EMSY: variants seen among roughly 807,000 people sequenced by gnomAD.
EMSY encodes BRCA2-interacting transcriptional repressor EMSY.
A neutral mutation model predicts 134.6 loss-of-function variants in EMSY; 26 were observed. The observed-to-expected ratio is 0.19, with a 90% CI of 0.14 to 0.27. The LOEUF (loss-of-function observed/expected upper bound fraction) is 0.27, where lower values mean the gene tolerates loss of function less well. Ranked by LOEUF, EMSY falls within the 10% of genes least tolerant of loss-of-function variation. The probability of loss-of-function intolerance (pLI) is 1.00; values close to 1 mark genes in which losing one functional copy is unlikely to be tolerated. For synonymous variants in EMSY, 579 were observed against 577.8 expected (o/e 1.00, Z -0.03); for missense variants, 1,305 against 1,611.4 (o/e 0.81, Z 3.26).
intron 11 of EMSY, among the ~76,000 whole-genome samples, chr11:76,517,281 C>T (rs2136185815): frequency 6.6e-6 from 1 of 152,230 alleles, no homozygotes; most frequent in South Asian, 2.1e-4. Flanking sequence ...AATTTTGGCT[C>T]TACTTTTAAG....
rs370910031 is a variant in EMSY at position 76,509,889 on chromosome 11, T to A, written c.1364-3497T>A. ...TGGTCAGTTTTTAATGAATGCTTTC[T>A]CTATTCAAAAAAATAAAATATAGAC... On this transcript the variant is annotated intron_variant, in intron 9 of 20. Transcript: ENST00000334736. Among the ~76,000 whole-genome samples, 15 of 152,344 alleles carry A rather than the reference T, an allele frequency of 9.8e-5. No individual in the cohort carries two copies. In the East Asian group the frequency reaches 2.9e-3, roughly 29 times the overall value.
In EMSY at chr11:76,541,178, A is replaced by T. The variant is rs77862681; in HGVS notation, c.2558-1038A>T. ...GAGTCGGAAGTTGCAGTGAACAGAG[A>T]TTGTGCCATTGCACTCCAGCCTGGG... On this transcript the variant is annotated intron_variant, in intron 17 of 20. Transcript: ENST00000334736. 9.7e-3 allele frequency among the ~76,000 whole-genome samples: 1,476 copies of T among 152,342 alleles called. 26 individuals carry two copies. Among genetic ancestry groups the T allele is most frequent in the East Asian group, 0.058 (302 of 5,182 alleles).
exon 19 of EMSY, chr11:76,544,299 A>C (rs1951558785): frequency 1.2e-6 from 2 of 1,613,946 alleles, no homozygotes; most frequent in Non-Finnish European, 1.7e-6. Context: ...CACAGCGAGG[A>C]ACTTGGAACT....
intron 8 of EMSY, among the ~76,000 whole-genome samples, chr11:76,491,785 C>A (rs1004444263): frequency 6.6e-6 from 1 of 151,508 alleles, no homozygotes; most frequent in Non-Finnish European, 1.5e-5. Flanking sequence ...TACTCTGGCT[C>A]CCATGGTAAG....
chr11:76,453,243 T>G (rs1051977716), intron 3 of EMSY, 71 bp from the exon 4 acceptor site: 42 of 1,441,756 alleles, frequency 2.9e-5, no homozygotes, highest in Non-Finnish European at 3.7e-5. Context: ...AATGTTGACT[T>G]AAACATTAAT....
At chr11:76,540,899 T>C (rs1016961712) in intron 17 of EMSY, among the ~76,000 whole-genome samples, 1 of 152,240 alleles carries the variant, frequency 6.6e-6, no homozygotes, top group East Asian at 1.9e-4. Context: ...AGTAATCATA[T>C]GCATTTTTAA....
rs1474799688 is a variant in EMSY, at chr11:76,482,698, A to AG, written c.1108+9859dup. Among the ~76,000 whole-genome samples, 3 of 152,184 alleles carry AG rather than the reference A, an allele frequency of 2.0e-5. No individual in the cohort carries two copies. The East Asian group carries it at 5.8e-4, about 29-fold the overall frequency. Reference sequence around the variant, plus strand: ...AAATGAAGTGTGAAGACAAGATTAGAGAAAAAAAGGATGAAAAGGAATGAA... The same window carrying AG: ...AAATGAAGTGTGAAGACAAGATTAGAGGAAAAAAAGGATGAAAAGGAATGAA... On this transcript the variant is annotated intron_variant, in intron 8 of 20. Transcript: ENST00000334736.
chr11:76,518,883 T>TGTG (rs1555068904), intron 11 of EMSY, among the ~76,000 whole-genome samples: 5 of 150,264 alleles, frequency 3.3e-5, no homozygotes, highest in Admixed American at 6.7e-5. Flanking sequence ...TGTGTGTGTG[T>TGTG]CATTATAAAT....
chr11:76,448,903 G>A, intron 2 of EMSY, among the ~76,000 whole-genome samples: 1 of 152,114 alleles, frequency 6.6e-6, no homozygotes, highest in East Asian at 1.9e-4. Flanking sequence ...TAAAGAAATT[G>A]GGATAGAGAA....
intron 4 of EMSY, among the ~76,000 whole-genome samples, chr11:76,455,708 A>G (rs1947844911): frequency 6.6e-6 from 1 of 152,172 alleles, no homozygotes; most frequent in Non-Finnish European, 1.5e-5. Flanking sequence ...TTGAAACATA[A>G]CACGTGTTTA....
chr11:76,518,179 T>C (rs1018923355), intron 11 of EMSY, among the ~76,000 whole-genome samples: 1 of 149,862 alleles, frequency 6.7e-6, no homozygotes, highest in South Asian at 2.1e-4. Context: ...TTTTTTTTTT[T>C]TTTTTTTTAA....
intron 12 of EMSY, among the ~76,000 whole-genome samples, chr11:76,524,796 G>C (rs1307586429): frequency 1.3e-5 from 2 of 152,224 alleles, no homozygotes; most frequent in Non-Finnish European, 2.9e-5. Context: ...AGGCAAGGCA[G>C]GTGGATCACT....
Position 76,465,789 on chromosome 11 carries a change from G to C in EMSY, c.831+1709G>C, listed in dbSNP as rs1347692510. 3.9e-5 allele frequency among the ~76,000 whole-genome samples: 6 copies of C among 152,064 alleles called. No individual in the cohort carries two copies. The East Asian group carries it at 1.2e-3, about 29-fold the overall frequency. ...GGCTGTCTGCTTACGAATGAAAATA[G>C]GCACTAAAAAGGTGACAGAAAGCTC... On this transcript the variant is annotated intron_variant, in intron 7 of 20. Transcript: ENST00000334736.
At chr11:76,499,523 G>A (rs112587429) in intron 9 of EMSY, among the ~76,000 whole-genome samples, 7 of 151,792 alleles carry the variant, frequency 4.6e-5, no homozygotes, top group African/African-American at 1.5e-4. Flanking sequence ...TCCTGACCTC[G>A]TGATCCGCCC....
intron 14 of EMSY, among the ~76,000 whole-genome samples, chr11:76,528,767 A>G (rs1445563621): frequency 6.6e-6 from 1 of 152,104 alleles, no homozygotes. Flanking sequence ...GGTAATTTTC[A>G]TATTCTTCCT....
chr11:76,489,748 G>T (rs1280356583), intron 8 of EMSY, among the ~76,000 whole-genome samples: 3 of 151,980 alleles, frequency 2.0e-5, no homozygotes, highest in Non-Finnish European at 4.4e-5. Context: ...CAGATTATGG[G>T]CGTGCACCAC....
Position 76,545,700 on chromosome 11 carries a change from C to T in EMSY, c.3274-97C>T, listed in dbSNP as rs1263656751. ...CTTCAAAACTGTCTTCCTAGTATAG[C>T]GCACGAATGTTTCTTTTGCCATATT... On this transcript the variant is annotated intron_variant, in intron 19 of 20. Transcript: ENST00000334736. The T allele has an allele frequency of 4.6e-5, 63 of 1,373,894 alleles. No homozygotes were observed. In the East Asian group the frequency reaches 4.6e-4, roughly 10 times the overall value. The allele number at this position is 1,373,894 out of a possible 1,614,324, so 85.1% of individuals were successfully genotyped here.
chr11:76,519,334 G>A (rs1950567005), intron 11 of EMSY, among the ~76,000 whole-genome samples: 1 of 152,086 alleles, frequency 6.6e-6, no homozygotes, highest in Non-Finnish European at 1.5e-5. Context: ...CAAAGTGCTG[G>A]TATTATAGGC....
chr11:76,446,786 A>G lies in EMSY; in HGVS notation c.-39-114A>G, dbSNP rs115632964. 1.4e-3 allele frequency: 832 copies of G among 601,296 alleles called. 7 individuals are homozygous for G. The African/African-American group carries it at 0.014, about 10-fold the overall frequency. The allele number at this position is 601,296 out of a possible 1,614,324, so 37.2% of individuals were successfully genotyped here. ...TGTGGTGGTGAGAAAGGATTGTAAAATAGTAATATCTTTTTGGTTTACTTC... is the reference window on the plus strand; with the variant it reads ...TGTGGTGGTGAGAAAGGATTGTAAAGTAGTAATATCTTTTTGGTTTACTTC... On this transcript the variant is annotated intron_variant, in intron 1 of 20. Transcript: ENST00000334736.
Sources: allele counts gnomAD v4.1 joint callset (sites outside exome capture counted in the v4.1 genomes callset), GRCh38; gene constraint gnomAD v4.1.1; transcripts MANE v1.5; gene names NCBI Gene and HGNC (gene_info 2026-07-23, HGNC 2026-07-21).